The following PZP variants were observed in gnomAD, a reference collection of about 807,000 sequenced individuals.
PZP encodes the protein pregnancy zone protein.
Under a neutral mutation model 179.8 loss-of-function variants are expected in PZP, and 150 were observed. The observed-to-expected ratio is 0.83, with a 90% CI of 0.73 to 0.96. The LOEUF (loss-of-function observed/expected upper bound fraction) is 0.96, where lower values mean the gene tolerates loss of function less well. Among genes scored for constraint, PZP ranks in the 40% least tolerant of loss-of-function variants. The pLI is 0.00. For synonymous variants in PZP, 624 were observed against 652.3 expected (o/e 0.96, Z 0.66); for missense variants, 1,689 against 1,764.0 (o/e 0.96, Z 0.76).
rs779328791 is a variant in PZP at position 9,160,992 on chromosome 12, A to ATTTGT, written c.2872+40_2872+41insACAAA. ...ATACGTAGATAAGATGTACAGTGGC[A>ATTTGT]ACTCTTTTGGCCCAGGTTTACTAAA... On this transcript the variant is annotated intron_variant, in intron 23 of 35. Coordinates refer to ENST00000261336, the MANE Select transcript of PZP (RefSeq NM_002864.3). 6.3e-6 allele frequency: 9 copies of ATTTGT among 1,435,320 alleles called. No homozygotes were observed. In the Admixed American group the frequency reaches 1.5e-4, roughly 24 times the overall value. 88.9% of individuals were successfully genotyped at this position (1,435,320 alleles called of 1,614,324 possible).
At chr12:9,160,644 G>A (rs910543300) in intron 23 of PZP, among the ~76,000 whole-genome samples, 154 bp from the exon 24 acceptor site, 7 of 152,198 alleles carry the variant, frequency 4.6e-5, no homozygotes, top group African/African-American at 1.7e-4. Context: ...AATAAGAATA[G>A]CAGCTATCGC....
intron 5 of PZP, 62 bp downstream of exon 5, chr12:9,201,265 T>C: frequency 7.0e-7 from 1 of 1,418,528 alleles, no homozygotes; most frequent in South Asian, 1.2e-5. Flanking sequence ...TAGAGTATTA[T>C]CAGAACCTCC....
At chr12:9,192,277 A>G in intron 12 of PZP, 21 bp from the exon 13 acceptor site, 1 of 1,611,810 alleles carries the variant, frequency 6.2e-7, no homozygotes. Flanking sequence ...AAAACAGTGA[A>G]GGAAATTTCT....
At chr12:9,197,725 A>AATAT (rs1432394497) in intron 7 of PZP, among the ~76,000 whole-genome samples, 2 of 80,966 alleles carry the variant, frequency 2.5e-5, no homozygotes, top group African/African-American at 1.1e-4. Context: ...CATAATATAT[A>AATAT]TAATTATATA....
At position 9,160,409 on chromosome 12, in the gene PZP, A is replaced by G; in HGVS notation, c.2954T>C (p.Leu985Pro). Residue 985 changes from leucine (L) to proline (P), a missense_variant, in exon 24 of 36, where the codon CTA (leucine) becomes CCA (proline). Around this residue, in one of 3 missense-constraint regions of PZP, gnomAD observed 746 missense variants for 749.2 expected, o/e 1.00. Transcript: ENST00000261336. ...PYGCGEQNMVLFAPNIYVLNY... is the reference protein window; with the variant it reads ...PYGCGEQNMVPFAPNIYVLNY... ...CAAGACATAGATGTTAGGAGCAAATAGGACCATGTTCTGTTCTCCACAGCC... is the reference window on the plus strand; with the variant it reads ...CAAGACATAGATGTTAGGAGCAAATGGGACCATGTTCTGTTCTCCACAGCC... The G allele has an allele frequency of 6.2e-7, 1 of 1,614,122 alleles. No individual in the cohort carries two copies.
At chr12:9,179,467 A>G (rs1314449976) in intron 15 of PZP, among the ~76,000 whole-genome samples, 1 of 152,226 alleles carries the variant, frequency 6.6e-6, no homozygotes, top group Non-Finnish European at 1.5e-5. Flanking sequence ...ATATAACTAT[A>G]GTCAAAAGCA....
chr12:9,182,514 T>C (rs981993762), intron 13 of PZP, among the ~76,000 whole-genome samples: 5 of 152,208 alleles, frequency 3.3e-5, no homozygotes, highest in African/African-American at 1.2e-4. Flanking sequence ...AATAAGTTTA[T>C]TTTGTCATAT....
chr12:9,194,159 G>A lies in PZP; in HGVS notation c.1172C>T (p.Ser391Phe). The change falls in exon 11 of 36, where the codon TCC (serine) becomes TTC (phenylalanine). Residue 391 changes from serine to phenylalanine, a missense_variant. Transcript: ENST00000261336. ...ACCCTGCTCATTGGTGGTTGCATTG[G>A]AGTAATAATTGGCGTCATTCACAGA... is the stretch of plus-strand genomic sequence containing the variant. ...FISVNDANYY[S>F]NATTNEQGLA... 6.2e-7 allele frequency: 1 copy of A among 1,613,890 alleles called. No individual in the cohort carries two copies. Among genetic ancestry groups the A allele is most frequent in the Non-Finnish European group, 8.5e-7 (1 of 1,179,836 alleles).
At position 9,192,734 on chromosome 12, in the gene PZP, G is replaced by A. The variant is rs1303864890; in HGVS notation, c.1260C>T (p.Phe420=). ...ISVNKLFVRV[F]TVHPNLCFHY... is the part of the protein sequence containing the mutation. Reference sequence around the variant, plus strand: ...GAAAACACAAGTTGGGATGCACAGTGAAAACCTGAGTAAACAGAAAAGCAA... The same window carrying A: ...GAAAACACAAGTTGGGATGCACAGTAAAAACCTGAGTAAACAGAAAAGCAA... Residue 420 remains phenylalanine, a synonymous_variant, in exon 12 of 36, where the codon TTC becomes TTT. Transcript: ENST00000261336. 15 of 1,596,632 alleles carry A rather than the reference G, an allele frequency of 9.4e-6. No individual in the cohort carries two copies. Among genetic ancestry groups the A allele is most frequent in the Non-Finnish European group, 1.3e-5 (15 of 1,164,918 alleles).
In PZP at chr12:9,201,307, A is replaced by T. The variant is rs1944144852; in HGVS notation, c.501+20T>A. 2 of 1,519,718 alleles carry T rather than the reference A, an allele frequency of 1.3e-6. No homozygotes were observed. The highest frequency in any genetic ancestry group is 1.7e-4 in the Middle Eastern group (1 of 5,778). The allele number at this position is 1,519,718 out of a possible 1,614,324, so 94.1% of individuals were successfully genotyped here. ...CTAAAAGCACTAATTTCCTTATAAG[A>T]TACTTTTTCTGATACTTACCTCAAG... is the stretch of plus-strand genomic sequence containing the variant. On this transcript the variant is annotated intron_variant, in intron 5 of 35. Transcript: ENST00000261336.
At chr12:9,140,674 G>T in the PZP span, among the ~76,000 whole-genome samples, 30 of 152,150 alleles carry the variant, frequency 2.0e-4, 1 homozygote, top group Admixed American at 2.0e-3. Context: ...TCATGGAATT[G>T]TACCATTAAA....
chr12:9,168,236 CT>C (rs1941727810), intron 17 of PZP, among the ~76,000 whole-genome samples: 1 of 152,202 alleles, frequency 6.6e-6, no homozygotes, highest in African/African-American at 2.4e-5. Context: ...GACACACCCA[CT>C]TCACATATAG....
chr12:9,183,682 C>T (rs996811601), intron 13 of PZP, among the ~76,000 whole-genome samples: 1 of 152,142 alleles, frequency 6.6e-6, no homozygotes, highest in African/African-American at 2.4e-5. Flanking sequence ...AGCCAATGTG[C>T]CCGGCCAAAA....
chr12:9,208,360 G>C lies in PZP; in HGVS notation c.-19C>G. On this transcript the variant is annotated 5_prime_UTR_variant, in exon 1 of 36. Transcript: ENST00000261336. ...TCCGCATTGTGAGGGATAAATCTCA[G>C]GGTTGTGTCCAACTCTCTGCCCTCA... 3 of 1,602,560 alleles carry C rather than the reference G, an allele frequency of 1.9e-6. No homozygotes were observed. Among genetic ancestry groups the C allele is most frequent in the Non-Finnish European group, 1.7e-6 (2 of 1,170,076 alleles).
At chr12:9,165,947 A>G in intron 18 of PZP, 105 bp downstream of exon 18, 1 of 1,366,462 alleles carries the variant, frequency 7.3e-7, no homozygotes, top group East Asian at 2.3e-5. Flanking sequence ...GAAGAGGTTA[A>G]GATAATTATT....
chr12:9,172,575 C>T (rs1942073151), intron 15 of PZP, among the ~76,000 whole-genome samples: 1 of 152,120 alleles, frequency 6.6e-6, no homozygotes, highest in Non-Finnish European at 1.5e-5. Flanking sequence ...CATCAGTATG[C>T]TATCTTCAAG....
intron 30 of PZP, 46 bp from the exon 31 acceptor site, chr12:9,152,997 C>G (rs1940476148): frequency 1.2e-6 from 2 of 1,612,444 alleles, no homozygotes; most frequent in East Asian, 4.5e-5. Flanking sequence ...TTTTCTGGAC[C>G]CCTCACTTCC....
At chr12:9,189,000 A>G (rs1397723922) in intron 13 of PZP, among the ~76,000 whole-genome samples, 3 of 152,178 alleles carry the variant, frequency 2.0e-5, no homozygotes, top group Non-Finnish European at 4.4e-5. Context: ...GAAATCAGAG[A>G]TGATGCAAAT....
At chr12:9,152,111 T>G in intron 32 of PZP, 109 bp downstream of exon 32, 1 of 869,278 alleles carries the variant, frequency 1.2e-6, no homozygotes, top group Non-Finnish European at 1.9e-6. Context: ...GGAAAAATAT[T>G]TTTTTGAGGC....
Sources: gnomAD v4.1 joint callset for allele counts (sites outside exome capture counted in the v4.1 genomes callset) on GRCh38, gnomAD v4.1.1 for gene constraint, gnomAD v4.1.1 regional missense constraint, MANE v1.5 for transcripts, NCBI Gene and HGNC (gene_info 2026-07-23, HGNC 2026-07-21) for gene names.